Variants in ELAPOR2 observed in about 807,000 individuals in gnomAD.
The protein encoded by ELAPOR2 is endosome-lysosome associated apoptosis and autophagy regulator family member 2.
In ELAPOR2, 89 loss-of-function variants were observed where a neutral mutation model predicts 120.7. That is an observed-to-expected ratio of 0.74 (90% CI 0.62 to 0.88). The LOEUF is 0.88. ELAPOR2 is among the 40% of genes least tolerant of loss of function. The pLI is 0.00. For synonymous variants in ELAPOR2, 444 were observed against 444.9 expected (o/e 1.00, Z 0.03); for missense variants, 1,134 against 1,251.6 (o/e 0.91, Z 1.42).
At chr7:86,952,526 A>G (rs904167378) in intron 2 of ELAPOR2, among the ~76,000 whole-genome samples, 12 of 152,190 alleles carry the variant, frequency 7.9e-5, no homozygotes, top group Non-Finnish European at 1.5e-4. Context: ...CTTCATTCCT[A>G]TCCTGAACTG....
At chr7:86,963,030 A>G (rs1374751439) in intron 2 of ELAPOR2, among the ~76,000 whole-genome samples, 1 of 152,224 alleles carries the variant, frequency 6.6e-6, no homozygotes, top group Non-Finnish European at 1.5e-5. Flanking sequence ...TCCAGAGCAA[A>G]TGTAAGTATA....
chr7:86,984,448 T>C (rs111791306), intron 1 of ELAPOR2, among the ~76,000 whole-genome samples: 57,106 of 151,748 alleles, frequency 0.38, 11,547 homozygotes, highest in African/African-American at 0.53. Flanking sequence ...AAGCACTCCT[T>C]GGCAAATGTA....
rs758440418 is a variant in ELAPOR2 at position 86,940,002 on chromosome 7, T to C, written c.847+8A>G. The C allele has an allele frequency of 5.7e-6, 9 of 1,568,310 alleles. No homozygotes were observed. The highest frequency in any genetic ancestry group is 7.9e-6 in the Non-Finnish European group (9 of 1,143,192). ...TGGTGACTACTAAAACAGAATGCCA[T>C]GAAATACCTTCAATTGTGATATTTT... On this transcript the variant is annotated splice_region_variant and intron_variant, in intron 6 of 21. Coordinates refer to ENST00000450689, the MANE Select transcript of ELAPOR2 (RefSeq NM_001142749.3).
chr7:86,980,659 A>G (rs1792437933), intron 1 of ELAPOR2, among the ~76,000 whole-genome samples: 1 of 152,084 alleles, frequency 6.6e-6, no homozygotes. Context: ...ACTGACAAGC[A>G]TGCCTCCTTC....
At chr7:86,991,148 G>A (rs903219514) in intron 1 of ELAPOR2, among the ~76,000 whole-genome samples, 1 of 152,194 alleles carries the variant, frequency 6.6e-6, no homozygotes, top group African/African-American at 2.4e-5. Context: ...CTACAGGTAA[G>A]ATACAGATTA....
At chr7:86,969,327 AACAAT>A (rs1190114603) in intron 1 of ELAPOR2, among the ~76,000 whole-genome samples, 1 of 152,186 alleles carries the variant, frequency 6.6e-6, no homozygotes, top group East Asian at 1.9e-4. Flanking sequence ...CAATTCTCAT[AACAAT>A]ACTTACAGTT....
intron 1 of ELAPOR2, among the ~76,000 whole-genome samples, chr7:87,043,875 C>CA (rs1221046932): frequency 6.6e-6 from 1 of 151,792 alleles, no homozygotes; most frequent in Non-Finnish European, 1.5e-5. Context: ...TGTCTCAGCC[C>CA]AAAATCTCCT....
chr7:86,884,401 A>C (rs1483679705), intron 21 of ELAPOR2, among the ~76,000 whole-genome samples: 1 of 152,156 alleles, frequency 6.6e-6, no homozygotes, highest in Non-Finnish European at 1.5e-5. Context: ...TGACCTTTGA[A>C]CACCACAAGT....
At chr7:87,024,673 G>A (rs1023732415) in intron 1 of ELAPOR2, among the ~76,000 whole-genome samples, 9 of 152,006 alleles carry the variant, frequency 5.9e-5, no homozygotes, top group African/African-American at 1.9e-4. Flanking sequence ...GGTAGAATTC[G>A]GCTGTGAATC....
chr7:86,926,824 A>G lies in ELAPOR2; in HGVS notation c.1182T>C (p.Asp394=), dbSNP rs368854519. The G allele has an allele frequency of 3.9e-5, 63 of 1,610,184 alleles. No homozygotes were observed. Among genetic ancestry groups the G allele is most frequent in the East Asian group, 1.1e-4 (5 of 44,748 alleles). The part of the protein sequence containing the change: ...IRLPPSGEKK[D]CPPCNPGFYN... ...AAAATCCAGGGTTGCAAGGCGGACAATCCTTCTTCTCTCCAGAAGGGGGCA... is the reference window on the plus strand; with the variant it reads ...AAAATCCAGGGTTGCAAGGCGGACAGTCCTTCTTCTCTCCAGAAGGGGGCA... Residue 394 remains aspartate, a synonymous_variant, in exon 9 of 22, where the codon GAT becomes GAC. Transcript: ENST00000450689.
intron 18 of ELAPOR2, among the ~76,000 whole-genome samples, chr7:86,906,500 C>T (rs944882135): frequency 6.6e-6 from 1 of 152,098 alleles, no homozygotes; most frequent in Non-Finnish European, 1.5e-5. Flanking sequence ...ACCCCTGTAA[C>T]TATTTTTAGG....
chr7:86,940,179 C>T, intron 5 of ELAPOR2, 64 bp from the exon 6 acceptor site: 6 of 937,170 alleles, frequency 6.4e-6, no homozygotes, highest in Non-Finnish European at 1.0e-5. Context: ...AAGCTACTCC[C>T]TTACATACTT....
intron 1 of ELAPOR2, among the ~76,000 whole-genome samples, chr7:87,047,221 A>T (rs2214536): frequency 0.014 from 2,175 of 152,348 alleles, 57 homozygotes; most frequent in African/African-American, 0.049. Context: ...AAGACTTCAA[A>T]CTAAGAAACT....
intron 1 of ELAPOR2, among the ~76,000 whole-genome samples, chr7:87,037,312 C>T (rs1584026640): frequency 6.6e-6 from 1 of 152,112 alleles, no homozygotes; most frequent in African/African-American, 2.4e-5. Context: ...GTACTATAAA[C>T]TCAGGATGTC....
At chr7:87,028,393 T>C (rs1448189394) in intron 1 of ELAPOR2, among the ~76,000 whole-genome samples, 3 of 152,294 alleles carry the variant, frequency 2.0e-5, no homozygotes, top group Admixed American at 6.5e-5. Flanking sequence ...ATTTGACCTC[T>C]GGGACACCAT....
intron 12 of ELAPOR2, among the ~76,000 whole-genome samples, chr7:86,915,229 C>G (rs1299055716): frequency 4.6e-5 from 7 of 151,982 alleles, no homozygotes; most frequent in Non-Finnish European, 7.4e-5. Context: ...CAATAAACTT[C>G]TAAAGTTATC....
At chr7:86,930,900 T>C (rs1584363657) in intron 8 of ELAPOR2, among the ~76,000 whole-genome samples, 1 of 152,090 alleles carries the variant, frequency 6.6e-6, no homozygotes, top group South Asian at 2.1e-4. Context: ...TCTCACTGAG[T>C]ACCTACTATG....
At chr7:87,000,092 G>A (rs1347945409) in intron 1 of ELAPOR2, among the ~76,000 whole-genome samples, 1 of 152,074 alleles carries the variant, frequency 6.6e-6, no homozygotes, top group East Asian at 1.9e-4. Flanking sequence ...AGTTAAATGT[G>A]ACATTTGATG....
At chr7:86,885,042 G>T (rs1281392429) in intron 21 of ELAPOR2, among the ~76,000 whole-genome samples, 1 of 152,128 alleles carries the variant, frequency 6.6e-6, no homozygotes, top group South Asian at 2.1e-4. Flanking sequence ...TTACAACGCG[G>T]AAGAAGTTCA....
Sources: allele counts gnomAD v4.1 joint callset (sites outside exome capture counted in the v4.1 genomes callset), GRCh38; gene constraint gnomAD v4.1.1; transcripts MANE v1.5; gene names NCBI Gene and HGNC (gene_info 2026-07-23, HGNC 2026-07-21).